Variants in RCC1L observed in about 807,000 individuals in gnomAD.
RCC1L encodes the protein RCC1-like G exchanging factor-like protein.
In RCC1L, 46 loss-of-function variants were observed where a neutral mutation model predicts 58.6. The ratio of observed to expected loss-of-function variants is 0.79; its 90% CI spans 0.62 to 1.00. RCC1L has a LOEUF of 1.00. Ranked by LOEUF, RCC1L falls within the 50% of genes least tolerant of loss-of-function variation. RCC1L has a pLI of 0.00. For synonymous variants in RCC1L, 281 were observed against 262.9 expected (o/e 1.07, Z -0.67); for missense variants, 636 against 623.6 (o/e 1.02, Z -0.21).
intron 8 of RCC1L, chr7:75,056,726 TAC>T: frequency 1.3e-6 from 2 of 1,535,302 alleles, no homozygotes; most frequent in Non-Finnish European, 1.7e-6. Flanking sequence ...GCCATGTATC[TAC>T]AGATAAATCG....
chr7:75,073,378 G>C (rs1806837948), intron 1 of RCC1L, 36 bp downstream of exon 1: 7 of 949,742 alleles, frequency 7.4e-6, no homozygotes, highest in Middle Eastern at 2.4e-4. Context: ...GCGCGGAAGA[G>C]AGAGAAGGAG....
intron 6 of RCC1L, among the ~76,000 whole-genome samples, chr7:75,060,783 CA>C (rs1264849963): frequency 6.7e-6 from 1 of 149,714 alleles, no homozygotes; most frequent in Non-Finnish European, 1.5e-5. Flanking sequence ...GGAAGGGATG[CA>C]AAAAAAAAGT....
Position 75,064,620 on chromosome 7 carries a change from C to G in RCC1L, c.612G>C (p.Gly204=), listed in dbSNP as rs1167508924. ...TTTCGACCACCTTTCTTCCACATTG[C>G]CCATAAGAATTGTTTCCCATGCTGA... ...GVFSMGNNSY[G]QCGRKVVENE... is the part of the protein sequence containing the mutation. Residue 204 remains glycine, a synonymous_variant, in exon 4 of 11, where the codon GGG becomes GGC. Coordinates refer to ENST00000610322, the MANE Select transcript of RCC1L (RefSeq NM_030798.5). 9 of 1,613,738 alleles carry G rather than the reference C, an allele frequency of 5.6e-6. No homozygotes were observed. In the African/African-American group the frequency reaches 1.2e-4, roughly 22 times the overall value.
intron 5 of RCC1L, among the ~76,000 whole-genome samples, chr7:75,062,105 T>G (rs1806294847): frequency 6.6e-6 from 1 of 152,084 alleles, no homozygotes; most frequent in South Asian, 2.1e-4. Flanking sequence ...CGAGAATCGC[T>G]TGAACCCAGG....
rs587693392 is a variant in RCC1L, at chr7:75,071,084, G to A, written c.325-315C>T. Among the ~76,000 whole-genome samples the A allele has an allele frequency of 3.9e-5, 6 of 152,124 alleles. No individual in the cohort carries two copies. In the South Asian group the frequency reaches 6.2e-4, roughly 16 times the overall value. ...TTGGCCCAGGTGATCTCAAATTCCCGGCCTCAAGTGATCTGTCCGCCTTGG... is the reference window on the plus strand; with the variant it reads ...TTGGCCCAGGTGATCTCAAATTCCCAGCCTCAAGTGATCTGTCCGCCTTGG... On this transcript the variant is annotated intron_variant, in intron 1 of 10. Coordinates refer to ENST00000610322, the MANE Select transcript of RCC1L (RefSeq NM_030798.5).
intron 10 of RCC1L, among the ~76,000 whole-genome samples, chr7:75,028,267 C>T (rs1805193654): frequency 6.6e-6 from 1 of 152,046 alleles, no homozygotes; most frequent in South Asian, 2.1e-4. Flanking sequence ...ATTACAGGCA[C>T]TCACCACCAC....
At chr7:75,056,434 G>T in intron 8 of RCC1L, 1 of 1,251,586 alleles carries the variant, frequency 8.0e-7, no homozygotes, top group Non-Finnish European at 1.1e-6. Flanking sequence ...CCTAATGACA[G>T]CTCTGTGTTT....
chr7:75,029,675 AG>A (rs1388201064), intron 10 of RCC1L, among the ~76,000 whole-genome samples: 1 of 152,100 alleles, frequency 6.6e-6, no homozygotes, highest in Non-Finnish European at 1.5e-5. Context: ...TCCTGAGTGA[AG>A]CGCTTTGCAT....
chr7:75,051,931 G>T (rs1805926792), intron 10 of RCC1L, among the ~76,000 whole-genome samples: 1 of 152,026 alleles, frequency 6.6e-6, no homozygotes, highest in Non-Finnish European at 1.5e-5. Context: ...ACTGGGTGGT[G>T]GGAGACTCAT....
chr7:75,041,214 ATAAC>A (rs71098027), downstream of RCC1L, among the ~76,000 whole-genome samples: 29,091 of 149,750 alleles, frequency 0.19, 3,430 homozygotes, highest in African/African-American at 0.34. Context: ...ACTCCATCTC[ATAAC>A]TAACTAACTA....
intron 10 of RCC1L, among the ~76,000 whole-genome samples, chr7:75,052,015 G>T (rs1805928891): frequency 6.6e-6 from 1 of 152,000 alleles, no homozygotes; most frequent in Admixed American, 6.6e-5. Context: ...TCCTTTTTTA[G>T]AATGCCTTAA....
downstream of RCC1L, among the ~76,000 whole-genome samples, chr7:75,041,263 C>T (rs898143521): frequency 2.6e-5 from 4 of 151,980 alleles, no homozygotes; most frequent in African/African-American, 7.3e-5. Context: ...GTAGCCCTCC[C>T]GAGATCCCAT....
At position 75,057,505 on chromosome 7, in the gene RCC1L, G is replaced by A. The variant is rs964454127; in HGVS notation, c.1057+24C>T. ...TGTAATCTACCTACAGCTTCCCAAT[G>A]AGCCACCGGAAAGAAGGTCTCACCG... On this transcript the variant is annotated intron_variant, in intron 8 of 10. Transcript: ENST00000610322. 65 of 1,612,600 alleles carry A rather than the reference G, an allele frequency of 4.0e-5. No individual in the cohort carries two copies. In the East Asian group the frequency reaches 5.3e-4, roughly 13 times the overall value.
chr7:75,066,625 C>T (rs587602484), intron 3 of RCC1L, 39 bp downstream of exon 3: 3 of 1,607,046 alleles, frequency 1.9e-6, no homozygotes, highest in African/African-American at 1.3e-5. Flanking sequence ...GTGAAATGGT[C>T]CCTGCACTCT....
At chr7:75,040,192 G>A (rs1466281225), downstream of RCC1L, among the ~76,000 whole-genome samples, 4 of 152,228 alleles carry the variant, frequency 2.6e-5, no homozygotes, top group Admixed American at 2.6e-4. Flanking sequence ...GGACCTGGTG[G>A]CTCACGCCTG....
intron 2 of RCC1L, among the ~76,000 whole-genome samples, chr7:75,067,977 C>T (rs1218949586): frequency 1.3e-5 from 2 of 152,084 alleles, no homozygotes; most frequent in Non-Finnish European, 2.9e-5. Context: ...CATCATACTA[C>T]TCTGCACACT....
intron 10 of RCC1L, among the ~76,000 whole-genome samples, chr7:75,048,200 G>A (rs1805799511): frequency 6.6e-6 from 1 of 150,544 alleles, no homozygotes; most frequent in Non-Finnish European, 1.5e-5. Context: ...CCGGGAGGCG[G>A]AGGTTGCAGT....
intron 6 of RCC1L, among the ~76,000 whole-genome samples, chr7:75,060,571 CA>C (rs1806243212): frequency 6.6e-6 from 1 of 152,240 alleles, no homozygotes; most frequent in African/African-American, 2.4e-5. Flanking sequence ...GCTGGGATTA[CA>C]GCCGTGTGCC....
In RCC1L at chr7:75,042,905, G is replaced by A. The variant is rs1022377237; in HGVS notation, c.*127C>T. 12,241 of 1,539,438 alleles carry A rather than the reference G, an allele frequency of 8.0e-3. 52 individuals are homozygous for A. Among genetic ancestry groups the A allele is most frequent in the Non-Finnish European group, 9.0e-3 (10,243 of 1,140,282 alleles). On this transcript the variant is annotated 3_prime_UTR_variant, in exon 11 of 11. Coordinates refer to ENST00000610322, the MANE Select transcript of RCC1L (RefSeq NM_030798.5). ...CCCGCTAAGGGATTCAGGACAGAGC[G>A]TCACACTGCACGCAGGGTCCTCCGC... is the stretch of plus-strand genomic sequence containing the variant.
Sources: gnomAD v4.1 joint callset for allele counts (sites outside exome capture counted in the v4.1 genomes callset) on GRCh38, gnomAD v4.1.1 for gene constraint, MANE v1.5 for transcripts, NCBI Gene and HGNC (gene_info 2026-07-23, HGNC 2026-07-21) for gene names.